Variants in TCF12 observed in about 807,000 individuals in gnomAD.
The protein encoded by TCF12 is DNA-binding protein HTF4.
Under a neutral mutation model 86.0 loss-of-function variants are expected in TCF12, and 45 were observed. The observed-to-expected ratio is 0.52, with a 90% CI of 0.41 to 0.67. TCF12 has a LOEUF of 0.67. Ranked by LOEUF, TCF12 falls within the 30% of genes least tolerant of loss-of-function variation. The probability of loss-of-function intolerance (pLI) is 0.00; values close to 1 mark genes in which losing one functional copy is unlikely to be tolerated. For missense variants in TCF12, 881 were observed against 859.9 expected (o/e 1.02, Z -0.31); for synonymous variants, 330 against 299.6 (o/e 1.10, Z -1.05).
intron 3 of TCF12, among the ~76,000 whole-genome samples, chr15:56,988,713 A>G (rs1382152071): frequency 6.6e-6 from 1 of 152,210 alleles, no homozygotes; most frequent in African/African-American, 2.4e-5. Flanking sequence ...TTTAAAGTGT[A>G]TTATGTGTCT....
intron 4 of TCF12, among the ~76,000 whole-genome samples, chr15:57,090,233 A>G (rs2048906615): frequency 6.6e-6 from 1 of 152,110 alleles, no homozygotes; most frequent in Admixed American, 6.6e-5. Context: ...AAAAACAAAA[A>G]CAAAAACAAA....
At position 56,939,293 on chromosome 15, in the gene TCF12, C is replaced by CT. The variant is rs200066683; in HGVS notation, c.148+18203dup. On this transcript the variant is annotated intron_variant, in intron 3 of 20. Coordinates refer to ENST00000333725, the MANE Select transcript of TCF12 (RefSeq NM_207037.2). Reference sequence around the variant, plus strand: ...TCTTGGGTGGAGGACAGTACTAATTCTTTTTTTTAACCACTGAAGACAGAG... The same window carrying CT: ...TCTTGGGTGGAGGACAGTACTAATTCTTTTTTTTTAACCACTGAAGACAGAG... 1.6e-4 allele frequency among the ~76,000 whole-genome samples: 25 copies of CT among 152,016 alleles called. No homozygotes were observed. The East Asian group carries it at 3.9e-3, about 23-fold the overall frequency.
Position 56,956,238 on chromosome 15 carries a change from C to T in TCF12, c.148+35140C>T, listed in dbSNP as rs1408968033. On this transcript the variant is annotated intron_variant, in intron 3 of 20. Coordinates refer to ENST00000333725, the MANE Select transcript of TCF12 (RefSeq NM_207037.2). ...ATTATTGATATGACTGTGTTTGAAT[C>T]CATTATCTTGCCATTTGTTTCTTTT... Among the ~76,000 whole-genome samples, 6 of 151,434 alleles carry T rather than the reference C, an allele frequency of 4.0e-5. No homozygotes were observed. The South Asian group carries it at 1.3e-3, about 32-fold the overall frequency.
At chr15:57,285,877 A>G (rs2152154250) in intron 20 of TCF12, among the ~76,000 whole-genome samples, 1 of 152,332 alleles carries the variant, frequency 6.6e-6, no homozygotes, top group East Asian at 1.9e-4. Flanking sequence ...GCGTTGAGCC[A>G]TGATCATGCC....
intron 5 of TCF12, among the ~76,000 whole-genome samples, chr15:57,105,958 A>T (rs1229133998): frequency 6.6e-6 from 1 of 152,244 alleles, no homozygotes; most frequent in African/African-American, 2.4e-5. Context: ...AAAGCAGATC[A>T]CATGGGAGAC....
chr15:56,957,995 T>C lies in TCF12; in HGVS notation c.148+36897T>C, dbSNP rs1311380306. ...CCCCGGGATTCCTGAAATTTTCCAG[T>C]CTGGATGTTGAGAATAGGCACTATT... is the stretch of plus-strand genomic sequence containing the variant. On this transcript the variant is annotated intron_variant, in intron 3 of 20. Coordinates refer to ENST00000333725, the MANE Select transcript of TCF12 (RefSeq NM_207037.2). 4.6e-5 allele frequency among the ~76,000 whole-genome samples: 7 copies of C among 152,184 alleles called. No homozygotes were observed. The East Asian group carries it at 1.3e-3, about 29-fold the overall frequency.
intron 19 of TCF12, among the ~76,000 whole-genome samples, chr15:57,279,582 G>T (rs1597874818): frequency 1.3e-5 from 2 of 152,222 alleles, no homozygotes; most frequent in African/African-American, 4.8e-5. Flanking sequence ...GTCTGCCATA[G>T]TATTGTTCTT....
intron 5 of TCF12, among the ~76,000 whole-genome samples, chr15:57,139,430 T>G (rs1422157076): frequency 1.3e-5 from 2 of 152,138 alleles, no homozygotes; most frequent in Non-Finnish European, 2.9e-5. Flanking sequence ...CCTAAACAGT[T>G]TAAGGGTGTT....
chr15:57,131,836 G>C (rs968371011), intron 5 of TCF12, among the ~76,000 whole-genome samples: 1 of 152,182 alleles, frequency 6.6e-6, no homozygotes, highest in Non-Finnish European at 1.5e-5. Context: ...ACAACAAATA[G>C]TAAGAACCTG....
intron 5 of TCF12, among the ~76,000 whole-genome samples, chr15:57,114,748 C>T (rs1742062914): frequency 2.0e-5 from 3 of 152,128 alleles, no homozygotes; most frequent in South Asian, 4.2e-4. Context: ...GTTTTTATTT[C>T]CAAATAGAAC....
intron 3 of TCF12, among the ~76,000 whole-genome samples, chr15:56,969,328 T>A (rs2062169229): frequency 6.6e-6 from 1 of 152,000 alleles, no homozygotes; most frequent in Non-Finnish European, 1.5e-5. Context: ...AAGAGACCAG[T>A]TAGGAGACTA....
At chr15:57,086,705 TAA>T (rs34069853) in intron 4 of TCF12, among the ~76,000 whole-genome samples, 2,686 of 105,586 alleles carry the variant, frequency 0.025, 66 homozygotes, top group African/African-American at 0.066. Flanking sequence ...TCCCTCCCTT[TAA>T]AAAAAAAAAA....
chr15:56,992,893 GA>G (rs2063522193), intron 3 of TCF12, among the ~76,000 whole-genome samples: 1 of 152,194 alleles, frequency 6.6e-6, no homozygotes, highest in Admixed American at 6.5e-5. Flanking sequence ...TTGAGCAACT[GA>G]GAAGAAGTTA....
intron 6 of TCF12, among the ~76,000 whole-genome samples, chr15:57,177,710 CTTATTTATTTAT>C (rs375477447): frequency 4.9e-5 from 7 of 142,922 alleles, no homozygotes; most frequent in African/African-American, 7.7e-5. Flanking sequence ...ATTTTATTTA[CTTATTTATTTAT>C]TTATTTATTT....
chr15:57,248,212 A>T (rs2059949787), intron 13 of TCF12: 6 of 644,592 alleles, frequency 9.3e-6, no homozygotes, highest in South Asian at 9.1e-5. Flanking sequence ...AGTTGCTTGC[A>T]AGAGAAATGG....
chr15:57,286,866 T>C lies in TCF12; in HGVS notation c.*721T>C. 2.8e-6 allele frequency: 1 copy of C among 358,982 alleles called. No homozygotes were observed. Among genetic ancestry groups the C allele is most frequent in the Non-Finnish European group, 5.5e-6 (1 of 183,478 alleles). The allele number at this position is 358,982 out of a possible 1,614,324, so 22.2% of individuals were successfully genotyped here. On this transcript the variant is annotated 3_prime_UTR_variant, in exon 21 of 21. Coordinates refer to ENST00000333725, the MANE Select transcript of TCF12 (RefSeq NM_207037.2). ...AAATCTGAACAGTTTATGGTCACAG[T>C]CCAGCCTCCTCCGTGCAGCCCTGTG...
intron 7 of TCF12, among the ~76,000 whole-genome samples, chr15:57,195,813 G>T (rs1286141013): frequency 2.0e-5 from 3 of 152,040 alleles, no homozygotes; most frequent in African/African-American, 7.2e-5. Flanking sequence ...AACCAGCCTG[G>T]GCAACATAGT....
intron 18 of TCF12, among the ~76,000 whole-genome samples, chr15:57,264,627 C>A (rs183576599): frequency 2.6e-5 from 4 of 152,188 alleles, no homozygotes; most frequent in African/African-American, 9.7e-5. Flanking sequence ...AGGTCAAGAT[C>A]ATTAATATCA....
intron 4 of TCF12, among the ~76,000 whole-genome samples, chr15:57,064,536 T>A (rs1220991154): frequency 6.6e-6 from 1 of 152,158 alleles, no homozygotes; most frequent in Non-Finnish European, 1.5e-5. Flanking sequence ...GGCTCATGCC[T>A]GTAATCCCAG....
Sources: allele counts gnomAD v4.1 joint callset (sites outside exome capture counted in the v4.1 genomes callset), GRCh38; gene constraint gnomAD v4.1.1; transcripts MANE v1.5; gene names NCBI Gene and HGNC (gene_info 2026-07-23, HGNC 2026-07-21).